The following EXOSC10 variants were observed in gnomAD, a reference collection of about 807,000 sequenced individuals.
EXOSC10 encodes the protein exosome complex component 10.
Under a neutral mutation model 126.6 loss-of-function variants are expected in EXOSC10, and 94 were observed. The ratio of observed to expected loss-of-function variants is 0.74; its 90% CI spans 0.63 to 0.88. The LOEUF is 0.88. Among genes scored for constraint, EXOSC10 ranks in the 40% least tolerant of loss-of-function variants. The pLI, the probability that EXOSC10 is intolerant of heterozygous loss-of-function variation, is 0.00. For synonymous variants in EXOSC10, 395 were observed against 400.8 expected, an observed-to-expected ratio of 0.99 and a Z score of 0.17; for missense variants, 1,041 against 1,100.5, an observed-to-expected ratio of 0.95 and a Z score of 0.77.
At chr1:11,098,737 A>G (rs1316224306) in intron 1 of EXOSC10, among the ~76,000 whole-genome samples, 1 of 152,244 alleles carries the variant, frequency 6.6e-6, no homozygotes, top group Admixed American at 6.5e-5. Flanking sequence ...CTACTATCTA[A>G]AACTGGATTT....
Position 11,067,214 on chromosome 1 carries a change from A to G in EXOSC10, c.2628-466T>C, listed in dbSNP as rs547643043. Among the ~76,000 whole-genome samples the G allele has an allele frequency of 5.3e-5, 8 of 152,190 alleles. No homozygotes were observed. The East Asian group carries it at 7.7e-4, about 15-fold the overall frequency. On this transcript the variant is annotated intron_variant, in intron 24 of 24. Coordinates refer to ENST00000376936, the MANE Select transcript of EXOSC10 (RefSeq NM_001001998.3). ...TGGGAGGCCGAGGCGGGCGGATCAC[A>G]AGGTCAGGAGATCGAGACCATCCTG...
intron 17 of EXOSC10, among the ~76,000 whole-genome samples, chr1:11,075,311 G>T (rs762660265): frequency 1.3e-5 from 2 of 152,128 alleles, no homozygotes; most frequent in Admixed American, 1.3e-4. Flanking sequence ...GAGCCACCAC[G>T]CCAGGCCTGA....
chr1:11,090,486 A>T lies in EXOSC10; in HGVS notation c.758+68T>A, dbSNP rs1557714961. 2.3e-6 allele frequency: 3 copies of T among 1,292,652 alleles called. No individual in the cohort carries two copies. The East Asian group carries it at 7.2e-5, about 31-fold the overall frequency. The allele number at this position is 1,292,652 out of a possible 1,614,324, so 80.1% of individuals were successfully genotyped here. A position where few individuals can be genotyped will look rare whatever the true frequency, so the allele number is the denominator to read the frequency against. Reference sequence around the variant, plus strand: ...CAGATTGTTTTCATGTATATACTCCACAAAAGTGAAAATGTGGCAAAAAGG... The same window carrying T: ...CAGATTGTTTTCATGTATATACTCCTCAAAAGTGAAAATGTGGCAAAAAGG... On this transcript the variant is annotated intron_variant, in intron 6 of 24. Transcript: ENST00000376936.
At chr1:11,068,796 C>T (rs1198495156) in intron 22 of EXOSC10, 90 bp from the exon 23 acceptor site, 2 of 1,044,066 alleles carry the variant, frequency 1.9e-6, no homozygotes, top group Admixed American at 3.4e-5. Context: ...CCATGACACT[C>T]AGGGAAGCCT....
chr1:11,082,761 G>C lies in EXOSC10; in HGVS notation c.1207C>G (p.Leu403Val). The part of the protein sequence containing the change: ...ARLLNLGRHS[L>V]DHLLKLYCNV... ...CAGTAGAGTTTCAGGAGATGATCGAGTGAGTGCCTGCCCAGGTTAAGAAGG... is the reference window on the plus strand; with the variant it reads ...CAGTAGAGTTTCAGGAGATGATCGACTGAGTGCCTGCCCAGGTTAAGAAGG... The change falls in exon 10 of 25, where the codon CTC (leucine) becomes GTC (valine). Residue 403 changes from leucine (L) to valine (V), a missense_variant. By Grantham distance (32) the Leu-to-Val change is conservative. Transcript: ENST00000376936. 6.2e-7 allele frequency: 1 copy of C among 1,614,214 alleles called. No individual in the cohort carries two copies. Among genetic ancestry groups the C allele is most frequent in the Non-Finnish European group, 8.5e-7 (1 of 1,180,042 alleles).
At chr1:11,095,273 A>ATTT (rs905557975) in intron 3 of EXOSC10, 1 of 151,304 alleles carries the variant, frequency 6.6e-6, no homozygotes, top group Non-Finnish European at 1.5e-5. Flanking sequence ...AACTGTAATT[A>ATTT]TTTTTTAGAA....
intron 3 of EXOSC10, among the ~76,000 whole-genome samples, chr1:11,092,451 G>T (rs1640858886): frequency 1.3e-5 from 2 of 151,530 alleles, no homozygotes; most frequent in Admixed American, 1.3e-4. Flanking sequence ...TTGACCTTGT[G>T]AGCTGCCTGC....
intron 23 of EXOSC10, 180 bp downstream of exon 23, chr1:11,068,465 A>T: frequency 1.6e-6 from 1 of 618,382 alleles, no homozygotes; most frequent in Non-Finnish European, 2.9e-6. Context: ...CAGCTTTTAC[A>T]GCCTCGTTTT....
chr1:11,091,391 C>T lies in EXOSC10; in HGVS notation c.477+102G>A. ...GAGAACAAACTAAAGGAGACAGTGG[C>T]CAGTTCTCTAATAAATTAGAACAGA... On this transcript the variant is annotated intron_variant, in intron 4 of 24. Transcript: ENST00000376936. The T allele has an allele frequency of 5.7e-6, 6 of 1,060,116 alleles. No homozygotes were observed. In the South Asian group the frequency reaches 6.2e-5, roughly 11 times the overall value. The allele number at this position is 1,060,116 out of a possible 1,614,324, so 65.7% of individuals were successfully genotyped here.
At position 11,074,012 on chromosome 1, in the gene EXOSC10, G is replaced by A. The variant is rs566253732; in HGVS notation, c.2083-4C>T. 13 of 1,613,864 alleles carry A rather than the reference G, an allele frequency of 8.1e-6. No homozygotes were observed. The highest frequency in any genetic ancestry group is 2.7e-5 in the African/African-American group (2 of 75,014). On this transcript the variant is annotated splice_polypyrimidine_tract_variant and splice_region_variant and intron_variant, in intron 18 of 24. Transcript: ENST00000376936. ...GGTGTCCCAGTGAGGGCAGAAACTG[G>A]AGGAAGGAAATGGCTGTGTGAAACG... is the stretch of plus-strand genomic sequence containing the variant.
intron 3 of EXOSC10, chr1:11,095,538 C>G: frequency 2.7e-6 from 1 of 374,922 alleles, no homozygotes; most frequent in South Asian, 2.7e-5. Flanking sequence ...ACGGTGAAAC[C>G]CCGTCTCTAC....
intron 2 of EXOSC10, among the ~76,000 whole-genome samples, chr1:11,096,553 T>C (rs373052335): frequency 2.0e-5 from 3 of 150,492 alleles, no homozygotes; most frequent in African/African-American, 7.3e-5. Flanking sequence ...CACAGCTCCC[T>C]GTAGCCTTGA....
chr1:11,090,505 A>G, intron 6 of EXOSC10, 49 bp downstream of exon 6: 1 of 1,478,022 alleles, frequency 6.8e-7, no homozygotes, highest in Non-Finnish European at 9.4e-7. Flanking sequence ...AAAATGTGGC[A>G]AAAAGGTAAG....
At chr1:11,096,208 T>C (rs1055923312) in intron 2 of EXOSC10, among the ~76,000 whole-genome samples, 1 of 152,102 alleles carries the variant, frequency 6.6e-6, no homozygotes, top group Non-Finnish European at 1.5e-5. Context: ...GCTCTCGAAC[T>C]CCTGACCCGA....
chr1:11,081,591 T>C (rs1640170650), intron 10 of EXOSC10, among the ~76,000 whole-genome samples: 1 of 152,326 alleles, frequency 6.6e-6, no homozygotes, highest in African/African-American at 2.4e-5. Context: ...CTGACCCACC[T>C]AACTTGTGAA....
intron 3 of EXOSC10, among the ~76,000 whole-genome samples, chr1:11,093,991 G>A (rs1329536129): frequency 6.6e-6 from 1 of 152,066 alleles, no homozygotes; most frequent in East Asian, 1.9e-4. Flanking sequence ...GTGGTGGGAG[G>A]ATCGCTTGAG....
At position 11,080,559 on chromosome 1, in the gene EXOSC10, A is replaced by C. The variant is rs1489736736; in HGVS notation, c.1587-10T>G. On this transcript the variant is annotated splice_polypyrimidine_tract_variant and intron_variant, in intron 12 of 24. Coordinates refer to ENST00000376936, the MANE Select transcript of EXOSC10 (RefSeq NM_001001998.3). ...GTTTGGCAGTACATATCTGGAAAAA[A>C]AAAAACACACACACACACACACACA... The C allele has an allele frequency of 1.3e-6, 2 of 1,519,364 alleles. No homozygotes were observed. The highest frequency in any genetic ancestry group is 2.5e-5 in the East Asian group (1 of 40,780). 94.1% of individuals were successfully genotyped at this position (1,519,364 alleles called of 1,614,324 possible).
At chr1:11,071,428 G>T in intron 20 of EXOSC10, 1 of 182,546 alleles carries the variant, frequency 5.5e-6, no homozygotes. Flanking sequence ...TTTGCTATGG[G>T]ACAGATCAAG....
At chr1:11,089,192 C>A (rs150048654) in intron 6 of EXOSC10, among the ~76,000 whole-genome samples, 63 of 137,754 alleles carry the variant, frequency 4.6e-4, no homozygotes, top group African/African-American at 1.7e-3. Context: ...GATTGCACTA[C>A]GGCACCCAGC....
Sources: gnomAD v4.1 joint callset for allele counts (sites outside exome capture counted in the v4.1 genomes callset) on GRCh38, gnomAD v4.1.1 for gene constraint, MANE v1.5 for transcripts, NCBI Gene and HGNC (gene_info 2026-07-23, HGNC 2026-07-21) for gene names.